The following RGSL1 variants were observed in gnomAD, a reference collection of about 807,000 sequenced individuals.
The protein encoded by RGSL1 is regulator of G protein signaling like 1, also known as regulator of G protein signaling protein-like.
Under a neutral mutation model 124.7 loss-of-function variants are expected in RGSL1, and 97 were observed. That is an observed-to-expected ratio of 0.78 (90% confidence interval 0.66 to 0.92). The LOEUF (loss-of-function observed/expected upper bound fraction) is 0.92. RGSL1 is among the 40% of genes least tolerant of loss of function. The probability of loss-of-function intolerance (pLI) is 0.00; values close to 1 mark genes in which losing one functional copy is unlikely to be tolerated. For synonymous variants in RGSL1, 424 were observed against 438.1 expected, an observed-to-expected ratio of 0.97 and a Z score of 0.40; for missense variants, 1,233 against 1,288.4, an observed-to-expected ratio of 0.96 and a Z score of 0.66.
At chr1:182,486,191 TATTC>T (rs1387903398) in intron 6 of RGSL1, among the ~76,000 whole-genome samples, 1 of 152,216 alleles carries the variant, frequency 6.6e-6, no homozygotes, top group Non-Finnish European at 1.5e-5. Flanking sequence ...TCATATTTAT[TATTC>T]ATGACTATTA....
At chr1:182,507,408 A>G (rs567495979) in intron 9 of RGSL1, 1 of 152,352 alleles carries the variant, frequency 6.6e-6, no homozygotes, top group South Asian at 2.1e-4. Context: ...AGCCTTTGGT[A>G]ACCACCAATC....
At chr1:182,456,543 C>T (rs2101986066) in intron 2 of RGSL1, among the ~76,000 whole-genome samples, 1 of 152,304 alleles carries the variant, frequency 6.6e-6, no homozygotes, top group South Asian at 2.1e-4. Context: ...GATGATCCGC[C>T]TGCCTCGGCC....
At chr1:182,454,582 T>C (rs1652126790) in intron 2 of RGSL1, among the ~76,000 whole-genome samples, 1 of 119,666 alleles carries the variant, frequency 8.4e-6, no homozygotes, top group Non-Finnish European at 1.6e-5. Context: ...CTCTCTTGAG[T>C]TGTATGTGTG....
chr1:182,463,145 T>C (rs1652983924), intron 4 of RGSL1, among the ~76,000 whole-genome samples: 1 of 151,732 alleles, frequency 6.6e-6, no homozygotes, highest in Non-Finnish European at 1.5e-5. Context: ...TACAAAAAAA[T>C]TAGCCGGGAA....
chr1:182,525,263 G>A (rs1454816513), intron 10 of RGSL1, among the ~76,000 whole-genome samples: 1 of 151,994 alleles, frequency 6.6e-6, no homozygotes, highest in African/African-American at 2.4e-5. Context: ...TCCCAGGAAA[G>A]TATGGTCCAT....
At chr1:182,477,678 G>A (rs994017451) in intron 6 of RGSL1, among the ~76,000 whole-genome samples, 4 of 152,120 alleles carry the variant, frequency 2.6e-5, no homozygotes, top group African/African-American at 4.8e-5. Context: ...TTTGAACCAG[G>A]CTCTAACTCC....
intron 12 of RGSL1, among the ~76,000 whole-genome samples, 177 bp downstream of exon 12, chr1:182,530,538 TAC>T (rs34247322): frequency 0.027 from 4,058 of 149,208 alleles, 130 homozygotes; most frequent in African/African-American, 0.071. Flanking sequence ...CACACACACA[TAC>T]ACACACACAC....
At chr1:182,497,175 C>CCT (rs1655978863) in intron 9 of RGSL1, among the ~76,000 whole-genome samples, 2 of 151,594 alleles carry the variant, frequency 1.3e-5, no homozygotes, top group African/African-American at 4.9e-5. Context: ...CATCCTACAT[C>CCT]AATGTGAACT....
At chr1:182,546,150 T>G (rs1660198219) in intron 15 of RGSL1, among the ~76,000 whole-genome samples, 1 of 152,206 alleles carries the variant, frequency 6.6e-6, no homozygotes, top group Non-Finnish European at 1.5e-5. Context: ...ATTTGAGTTC[T>G]GAGATAGTGC....
At chr1:182,495,184 T>C (rs1655824612) in intron 9 of RGSL1, among the ~76,000 whole-genome samples, 1 of 152,212 alleles carries the variant, frequency 6.6e-6, no homozygotes, top group Non-Finnish European at 1.5e-5. Context: ...AACTTGAGTG[T>C]TTGGCACTCA....
intron 15 of RGSL1, among the ~76,000 whole-genome samples, chr1:182,547,817 CA>C (rs1660311697): frequency 6.6e-6 from 1 of 152,084 alleles, no homozygotes; most frequent in Non-Finnish European, 1.5e-5. Context: ...GCCGAGATCA[CA>C]CCACTGCACT....
At chr1:182,499,849 T>C (rs1656218188) in intron 9 of RGSL1, among the ~76,000 whole-genome samples, 1 of 152,188 alleles carries the variant, frequency 6.6e-6, no homozygotes, top group Non-Finnish European at 1.5e-5. Flanking sequence ...AAGGACCTCT[T>C]GTAAGGCAGG....
At chr1:182,548,982 C>T in intron 17 of RGSL1, 158 bp downstream of exon 17, 3 of 856,368 alleles carry the variant, frequency 3.5e-6, no homozygotes, top group Admixed American at 3.0e-5. Flanking sequence ...CACTCCATCC[C>T]TCACACAGAA....
chr1:182,483,579 A>G lies in RGSL1; in HGVS notation c.1432-4706A>G, dbSNP rs1031954869. On this transcript the variant is annotated intron_variant, in intron 6 of 21. Coordinates refer to ENST00000294854, the MANE Select transcript of RGSL1 (RefSeq NM_001137669.2). ...AAAATATACTTGTATTATATTTCAA[A>G]TGAGACATAATGTGTATATGTAATA... is the stretch of plus-strand genomic sequence containing the variant. 2.6e-5 allele frequency among the ~76,000 whole-genome samples: 4 copies of G among 152,194 alleles called. No homozygotes were observed. The South Asian group carries it at 6.2e-4, about 24-fold the overall frequency.
intron 4 of RGSL1, among the ~76,000 whole-genome samples, chr1:182,466,809 G>A (rs1281631210): frequency 6.6e-6 from 1 of 152,118 alleles, no homozygotes; most frequent in Non-Finnish European, 1.5e-5. Context: ...ATCTTTTGCA[G>A]AAATAGAAAC....
At chr1:182,451,260 A>C (rs1277742977) in intron 1 of RGSL1, among the ~76,000 whole-genome samples, 1 of 141,302 alleles carries the variant, frequency 7.1e-6, no homozygotes, top group Non-Finnish European at 1.6e-5. Context: ...AAAGGTGAAA[A>C]AACAAAGTCC....
chr1:182,532,218 G>A (rs1306608871), intron 13 of RGSL1, among the ~76,000 whole-genome samples: 7 of 152,054 alleles, frequency 4.6e-5, no homozygotes, highest in Non-Finnish European at 1.0e-4. Flanking sequence ...GTATGAGTGG[G>A]TGCAAATAAT....
intron 9 of RGSL1, among the ~76,000 whole-genome samples, chr1:182,494,239 G>A (rs1387066641): frequency 6.6e-6 from 1 of 152,166 alleles, no homozygotes; most frequent in Non-Finnish European, 1.5e-5. Flanking sequence ...TAATGATTAG[G>A]ATCAATTACC....
chr1:182,462,556 A>T (rs1326648354), intron 4 of RGSL1, among the ~76,000 whole-genome samples: 1 of 152,284 alleles, frequency 6.6e-6, no homozygotes, highest in Middle Eastern at 3.4e-3. Context: ...AAGAATAACT[A>T]CTCGTCTAAA....
Sources: allele counts gnomAD v4.1 joint callset (sites outside exome capture counted in the v4.1 genomes callset), GRCh38; gene constraint gnomAD v4.1.1; transcripts MANE v1.5; gene names NCBI Gene and HGNC (gene_info 2026-07-23, HGNC 2026-07-21).